Variants in INTU observed in about 807,000 individuals in gnomAD.
INTU encodes inturned planar cell polarity protein.
A neutral mutation model predicts 100.5 loss-of-function variants in INTU; 68 were observed. The ratio of observed to expected loss-of-function variants is 0.68; its 90% CI spans 0.56 to 0.83. The LOEUF is 0.83. INTU is among the 40% of genes least tolerant of loss of function. INTU has a pLI of 0.00. For missense variants in INTU, 1,071 were observed against 1,114.7 expected, an observed-to-expected ratio of 0.96 and a Z score of 0.56; for synonymous variants, 357 against 395.7, an observed-to-expected ratio of 0.90 and a Z score of 1.16.
chr4:127,692,364 G>C (rs1730185229), intron 8 of INTU, among the ~76,000 whole-genome samples: 1 of 152,040 alleles, frequency 6.6e-6, no homozygotes, highest in Admixed American at 6.6e-5. Flanking sequence ...TTTTGCATAT[G>C]CTGGTTAGCC....
Position 127,705,720 on chromosome 4 carries a change from T to C in INTU, c.1696T>C (p.Phe566Leu). The C allele has an allele frequency of 6.2e-7, 1 of 1,614,002 alleles. No homozygotes were observed. The highest frequency in any genetic ancestry group is 1.1e-5 in the South Asian group (1 of 91,080). ...TCAGTTGATCATATGGAGAGAAGTG[T>C]TTCCTCAGCATCACCTCCGACCTTT... Reference protein sequence around the residue: ...IGQLIIWREVFPQHHLRPLAD... With the variant: ...IGQLIIWREVLPQHHLRPLAD... Residue 566 changes from phenylalanine to leucine, a missense_variant, in exon 11 of 16, where the codon TTT (phenylalanine) becomes CTT (leucine). Phe to Leu is a conservative substitution (Grantham distance 22). Coordinates refer to ENST00000335251, the MANE Select transcript of INTU (RefSeq NM_015693.4).
intron 1 of INTU, among the ~76,000 whole-genome samples, chr4:127,641,648 A>G (rs865945785): frequency 8.6e-5 from 13 of 152,036 alleles, no homozygotes; most frequent in Admixed American, 1.3e-4. Flanking sequence ...ACTCTCCTGT[A>G]TGCCTCTATC....
chr4:127,648,577 T>C (rs1727692576), intron 2 of INTU, among the ~76,000 whole-genome samples: 1 of 152,202 alleles, frequency 6.6e-6, no homozygotes, highest in Non-Finnish European at 1.5e-5. Flanking sequence ...CATCATCCAA[T>C]GGAGTTTTAG....
At chr4:127,708,534 T>G in intron 12 of INTU, 37 bp from the exon 13 acceptor site, 1 of 1,067,154 alleles carries the variant, frequency 9.4e-7, no homozygotes, top group South Asian at 1.4e-5. Flanking sequence ...GATTCCATTC[T>G]TAGATATAAA....
chr4:127,639,163 G>A (rs1727200722), intron 1 of INTU, among the ~76,000 whole-genome samples: 1 of 152,032 alleles, frequency 6.6e-6, no homozygotes, highest in African/African-American at 2.4e-5. Context: ...ACTTTATTTG[G>A]CTTTCACCAC....
intron 6 of INTU, among the ~76,000 whole-genome samples, chr4:127,677,120 C>A (rs890862231): frequency 1.3e-5 from 2 of 152,226 alleles, no homozygotes; most frequent in Non-Finnish European, 2.9e-5. Flanking sequence ...GTGGAGCCCA[C>A]CACAGCTCAA....
intron 8 of INTU, 72 bp downstream of exon 8, chr4:127,687,939 C>T (rs751716323): frequency 4.3e-5 from 45 of 1,048,070 alleles, no homozygotes; most frequent in Admixed American, 7.0e-5. Flanking sequence ...CTCTTTTTTT[C>T]GTAGACTTTT....
At chr4:127,679,578 A>G (rs1166080323) in intron 6 of INTU, among the ~76,000 whole-genome samples, 2 of 152,244 alleles carry the variant, frequency 1.3e-5, no homozygotes, top group Non-Finnish European at 2.9e-5. Flanking sequence ...ACAACATACC[A>G]GAATCTCTGG....
At chr4:127,669,273 A>T (rs895635361) in intron 5 of INTU, 119 bp downstream of exon 5, 4 of 506,568 alleles carry the variant, frequency 7.9e-6, no homozygotes, top group East Asian at 6.2e-5. Flanking sequence ...TGTATGTATT[A>T]TATACATTAT....
chr4:127,705,697 A>G lies in INTU; in HGVS notation c.1673A>G (p.Gln558Arg), dbSNP rs1183230415. The stretch of plus-strand genomic sequence containing the variant: ...TTAGCAGCAAAACAAAGAATTGGTC[A>G]GTTGATCATATGGAGAGAAGTGTTT... ...LPLAAKQRIGQLIIWREVFPQ... is the reference protein window; with the variant it reads ...LPLAAKQRIGRLIIWREVFPQ... The change falls in exon 11 of 16, where the codon CAG becomes CGG. Residue 558 changes from glutamine to arginine, a missense_variant. Coordinates refer to ENST00000335251, the MANE Select transcript of INTU (RefSeq NM_015693.4). The G allele has an allele frequency of 3.7e-6, 6 of 1,613,946 alleles. No homozygotes were observed. Among genetic ancestry groups the G allele is most frequent in the Non-Finnish European group, 5.1e-6 (6 of 1,179,938 alleles).
At chr4:127,675,029 A>G (rs1729112108) in intron 6 of INTU, among the ~76,000 whole-genome samples, 1 of 152,216 alleles carries the variant, frequency 6.6e-6, no homozygotes, top group South Asian at 2.1e-4. Context: ...AGGGAGAAAT[A>G]GACTACAAGT....
At position 127,643,918 on chromosome 4, in the gene INTU, C is replaced by T. The variant is rs892735186; in HGVS notation, c.544C>T (p.Leu182=). 1.3e-5 allele frequency: 21 copies of T among 1,614,122 alleles called. 1 individual carries two copies. In the African/African-American group the frequency reaches 2.0e-4, roughly 15 times the overall value. ...CAAAGCCAAAGAGCAGCTCAAGCTT[C>T]TGGAAGTGCTGGTTGGAATTATTCA... The part of the protein sequence containing the change: ...VIKAKEQLKL[L]EVLVGIIHQT... The change falls in exon 2 of 16, where the codon CTG becomes TTG. Residue 182 remains leucine, a synonymous_variant. Transcript: ENST00000335251.
chr4:127,713,888 T>C, intron 14 of INTU, 48 bp from the exon 15 acceptor site: 1 of 1,304,620 alleles, frequency 7.7e-7, no homozygotes, highest in Non-Finnish European at 1.1e-6. Context: ...CATTTTAAAG[T>C]AACACTGGTA....
chr4:127,638,207 A>C (rs2126172483), intron 1 of INTU, among the ~76,000 whole-genome samples: 1 of 152,312 alleles, frequency 6.6e-6, no homozygotes, highest in Non-Finnish European at 1.5e-5. Flanking sequence ...AATTTGTCAC[A>C]GTGTTTTTAT....
Position 127,725,132 on chromosome 4 carries a change from TAAAA to T in INTU, c.*8718_*8721del, listed in dbSNP as rs763050553. 7 of 79,340 alleles carry T rather than the reference TAAAA, an allele frequency of 8.8e-5. No individual in the cohort carries two copies. Among genetic ancestry groups the T allele is most frequent in the South Asian group, 4.9e-4 (1 of 2,024 alleles). The allele number at this position is 79,340 out of a possible 1,614,324, so 4.9% of individuals were successfully genotyped here. ...GAAACCCTGTCTCTACTAAAAATACTAAAAAAAAAAAAAAAAAAAAAAAAATTAG... is the reference window on the plus strand; with the variant it reads ...GAAACCCTGTCTCTACTAAAAATACTAAAAAAAAAAAAAAAAAAAAATTAG... On this transcript the variant is annotated 3_prime_UTR_variant, in exon 16 of 16. Coordinates refer to ENST00000335251, the MANE Select transcript of INTU (RefSeq NM_015693.4).
At position 127,644,053 on chromosome 4, in the gene INTU, A is replaced by C; in HGVS notation, c.679A>C (p.Ile227Leu). 1 of 1,610,716 alleles carries C rather than the reference A, an allele frequency of 6.2e-7. No individual in the cohort carries two copies. Among genetic ancestry groups the C allele is most frequent in the Non-Finnish European group, 8.5e-7 (1 of 1,177,564 alleles). The change falls in exon 2 of 16, where the codon ATT (isoleucine) becomes CTT (leucine). Residue 227 changes from isoleucine (I) to leucine (L), a missense_variant. By Grantham distance (5) the Ile-to-Leu change is conservative (BLOSUM62 2). Coordinates refer to ENST00000335251, the MANE Select transcript of INTU (RefSeq NM_015693.4). Reference protein sequence around the residue: ...GSAMKSGQVLIGDVLVAVNDV... With the variant: ...GSAMKSGQVLLGDVLVAVNDV... Reference sequence around the variant, plus strand: ...TGCTATGAAGAGCGGTCAGGTACTCATTGGTAAGTGTTGCTGGTACACATC... The same window carrying C: ...TGCTATGAAGAGCGGTCAGGTACTCCTTGGTAAGTGTTGCTGGTACACATC...
chr4:127,680,891 A>C lies in INTU; in HGVS notation c.1182-3518A>C, dbSNP rs546698936. ...CTAAAATCTCCTTAAGCTGATAAGC[A>C]ACTTCAGCAAAGTCTCAGGATACAA... On this transcript the variant is annotated intron_variant, in intron 6 of 15. Transcript: ENST00000335251. Among the ~76,000 whole-genome samples, 8 of 152,234 alleles carry C rather than the reference A, an allele frequency of 5.3e-5. No individual in the cohort carries two copies. The East Asian group carries it at 1.5e-3, about 29-fold the overall frequency.
chr4:127,719,281 A>G lies in INTU; in HGVS notation c.*2845A>G, dbSNP rs761547823. The G allele has an allele frequency of 2.6e-5, 4 of 152,092 alleles. No individual in the cohort carries two copies. Among genetic ancestry groups the G allele is most frequent in the Admixed American group, 2.0e-4 (3 of 15,248 alleles). 9.4% of individuals were successfully genotyped at this position (152,092 alleles called of 1,614,324 possible). A position where few individuals can be genotyped will look rare whatever the true frequency, so the allele number is the denominator to read the frequency against. On this transcript the variant is annotated 3_prime_UTR_variant, in exon 16 of 16. Coordinates refer to ENST00000335251, the MANE Select transcript of INTU (RefSeq NM_015693.4). ...TTAGTTCTGTTTGTGTGATGAATTA[A>G]GTTTATTGATTTGCATATGTTGAAC...
intron 2 of INTU, among the ~76,000 whole-genome samples, chr4:127,654,984 T>G (rs1202045427): frequency 1.3e-5 from 2 of 151,340 alleles, no homozygotes; most frequent in Non-Finnish European, 2.9e-5. Flanking sequence ...CATCTTCCAT[T>G]GCTGATACCC....
Sources: gnomAD v4.1 joint callset for allele counts (sites outside exome capture counted in the v4.1 genomes callset) on GRCh38, gnomAD v4.1.1 for gene constraint, MANE v1.5 for transcripts, NCBI Gene and HGNC (gene_info 2026-07-23, HGNC 2026-07-21) for gene names.